Variants in ATP11C observed in about 807,000 individuals in gnomAD.
The protein encoded by ATP11C is ATPase phospholipid transporting 11C (ATP11C blood group), also known as phospholipid-transporting ATPase IG.
A neutral mutation model predicts 97.4 loss-of-function variants in ATP11C; 36 were observed. The observed-to-expected ratio is 0.37, with a 90% CI of 0.28 to 0.49. The LOEUF is 0.49. Among genes scored for constraint, ATP11C ranks in the 20% least tolerant of loss-of-function variants. The pLI, the probability that ATP11C is intolerant of heterozygous loss-of-function variation, is 0.98. For missense variants in ATP11C, 730 were observed against 824.6 expected, an observed-to-expected ratio of 0.89 and a Z score of 1.40; for synonymous variants, 275 against 290.9, an observed-to-expected ratio of 0.95 and a Z score of 0.56.
rs184554800 is a variant in ATP11C at position 139,756,357 on chromosome X, A to G, written c.2700+1451T>C. Among the ~76,000 whole-genome samples, 13 of 112,417 alleles carry G rather than the reference A, an allele frequency of 1.2e-4. No individual in the cohort carries two copies. The East Asian group carries it at 3.4e-3, about 29-fold the overall frequency. Reference sequence around the variant, plus strand: ...CTGGCAAGGTTGCAGAGAAAAGGGAACACTTGCAGAATGCTGGTGAGAATG... The same window carrying G: ...CTGGCAAGGTTGCAGAGAAAAGGGAGCACTTGCAGAATGCTGGTGAGAATG... On this transcript the variant is annotated intron_variant, in intron 23 of 29. Coordinates refer to ENST00000682941, the MANE Select transcript of ATP11C (RefSeq NM_001353812.2).
chrX:139,848,298 T>C (rs2083939034), intron 1 of ATP11C, among the ~76,000 whole-genome samples: 1 of 111,070 alleles, frequency 9.0e-6, no homozygotes, highest in Non-Finnish European at 1.9e-5. Flanking sequence ...TCCAGAAACC[T>C]AGATTGCTGA....
chrX:139,904,704 G>C (rs867028438), intron 1 of ATP11C, among the ~76,000 whole-genome samples: 4 of 111,077 alleles, frequency 3.6e-5, no homozygotes, highest in Non-Finnish European at 7.5e-5. Context: ...GTCAGGGAAG[G>C]CTTCTTTAAG....
intron 5 of ATP11C, among the ~76,000 whole-genome samples, chrX:139,805,792 G>C (rs1250948648): frequency 8.9e-6 from 1 of 112,078 alleles, no homozygotes; most frequent in Non-Finnish European, 1.9e-5. Flanking sequence ...TGATTCGGCA[G>C]ATAAAGATGA....
In ATP11C at chrX:139,826,613, C is replaced by A. The variant is rs2083535087; in HGVS notation, c.147+91G>T. ...ATACATGCAAATACATGTACACATACATAAATGCATCAGTTTCCTCAGAAG... is the reference window on the plus strand; with the variant it reads ...ATACATGCAAATACATGTACACATAAATAAATGCATCAGTTTCCTCAGAAG... On this transcript the variant is annotated intron_variant, in intron 2 of 29. Coordinates refer to ENST00000682941, the MANE Select transcript of ATP11C (RefSeq NM_001353812.2). 5.2e-6 allele frequency: 4 copies of A among 772,497 alleles called. No individual in the cohort carries two copies. In the South Asian group the frequency reaches 1.1e-4, roughly 21 times the overall value. 63.7% of individuals were successfully genotyped at this position (772,497 alleles called of 1,213,427 possible).
At chrX:139,788,640 T>C (rs1268534187) in intron 13 of ATP11C, among the ~76,000 whole-genome samples, 1 of 111,840 alleles carries the variant, frequency 8.9e-6, no homozygotes, top group Non-Finnish European at 1.9e-5. Context: ...TCATTCAGTA[T>C]CTAATTCACA....
At chrX:139,782,458 T>C (rs780861266) in intron 18 of ATP11C, 89 bp downstream of exon 18, 1 of 616,023 alleles carries the variant, frequency 1.6e-6, no homozygotes, top group Admixed American at 3.8e-5. Context: ...ACTAAAGATT[T>C]CAAACTTCGA....
chrX:139,876,529 C>T (rs769786014), intron 1 of ATP11C, among the ~76,000 whole-genome samples: 1 of 112,190 alleles, frequency 8.9e-6, no homozygotes, highest in African/African-American at 3.2e-5. Flanking sequence ...ACGCCTGAGC[C>T]TAAGGGTTTC....
At chrX:139,761,883 AG>A in intron 22 of ATP11C, 77 bp downstream of exon 22, 1 of 704,841 alleles carries the variant, frequency 1.4e-6, no homozygotes, top group Non-Finnish European at 1.9e-6. Flanking sequence ...AAAAAAAAAA[AG>A]GAAGAACAAA....
intron 1 of ATP11C, among the ~76,000 whole-genome samples, chrX:139,854,556 T>A (rs2084059233): frequency 9.0e-6 from 1 of 110,945 alleles, no homozygotes; most frequent in Non-Finnish European, 1.9e-5. Context: ...TTGCAATAAG[T>A]CAGAAAGTTG....
intron 1 of ATP11C, among the ~76,000 whole-genome samples, chrX:139,931,265 G>C (rs909654019): frequency 1.8e-5 from 2 of 112,181 alleles, no homozygotes; most frequent in African/African-American, 6.5e-5. Flanking sequence ...GATTCTGAAG[G>C]GGGTAAACGT....
At chrX:139,846,570 T>C (rs1051595266) in intron 1 of ATP11C, among the ~76,000 whole-genome samples, 2 of 111,694 alleles carry the variant, frequency 1.8e-5, no homozygotes, top group Non-Finnish European at 3.8e-5. Context: ...CCAGTTGCTA[T>C]AGGGAAAGCA....
Position 139,727,349 on chromosome X carries a change from G to A in ATP11C, c.*1617C>T, listed in dbSNP as rs150354464. ...GTTTTCAGCAGCTTACCTCAAATACGGGCTACCAGAACACAGCACACTTAG... is the reference window on the plus strand; with the variant it reads ...GTTTTCAGCAGCTTACCTCAAATACAGGCTACCAGAACACAGCACACTTAG... On this transcript the variant is annotated 3_prime_UTR_variant, in exon 30 of 30. Coordinates refer to ENST00000682941, the MANE Select transcript of ATP11C (RefSeq NM_001353812.2). The A allele has an allele frequency of 1.7e-3, 188 of 111,534 alleles. No individual in the cohort carries two copies. The highest frequency in any genetic ancestry group is 6.0e-3 in the African/African-American group (184 of 30,697). The allele number at this position is 111,534 out of a possible 1,213,427, so 9.2% of individuals were successfully genotyped here.
chrX:139,927,158 AATG>A (rs1179848596), intron 1 of ATP11C, among the ~76,000 whole-genome samples: 1 of 112,088 alleles, frequency 8.9e-6, no homozygotes, highest in Non-Finnish European at 1.9e-5. Flanking sequence ...TTGTGTATGT[AATG>A]ATAATTACAG....
intron 23 of ATP11C, among the ~76,000 whole-genome samples, chrX:139,754,802 TA>T (rs2081897493): frequency 8.9e-6 from 1 of 111,817 alleles, no homozygotes; most frequent in South Asian, 3.7e-4. Context: ...TCCATCATGT[TA>T]AAAACTCTCA....
At chrX:139,789,276 A>G in intron 13 of ATP11C, 51 bp downstream of exon 13, 1 of 986,075 alleles carries the variant, frequency 1.0e-6, no homozygotes. Flanking sequence ...ATGGAATGTT[A>G]ACATGCATAC....
intron 2 of ATP11C, among the ~76,000 whole-genome samples, chrX:139,822,524 C>T (rs2083434928): frequency 9.0e-6 from 1 of 111,645 alleles, no homozygotes; most frequent in Non-Finnish European, 1.9e-5. Context: ...AGCGATTCTC[C>T]TGCCTCAGCG....
At chrX:139,762,237 A>G in intron 21 of ATP11C, 131 bp from the exon 22 acceptor site, 1 of 510,799 alleles carries the variant, frequency 2.0e-6, no homozygotes. Flanking sequence ...TTAAAAACCA[A>G]AAGAGCTTTC....
intron 1 of ATP11C, among the ~76,000 whole-genome samples, chrX:139,901,366 T>C (rs568640523): frequency 7.1e-5 from 8 of 112,003 alleles, no homozygotes; most frequent in Middle Eastern, 4.6e-3. Flanking sequence ...TATGGGGGTA[T>C]TGTAGCACTA....
intron 5 of ATP11C, among the ~76,000 whole-genome samples, chrX:139,811,040 T>G (rs1247868167): frequency 9.0e-6 from 1 of 111,547 alleles, no homozygotes; most frequent in African/African-American, 3.3e-5. Flanking sequence ...GCACAATATT[T>G]CAATATATTT....
Sources: allele counts gnomAD v4.1 joint callset (sites outside exome capture counted in the v4.1 genomes callset), GRCh38; gene constraint gnomAD v4.1.1; transcripts MANE v1.5; gene names NCBI Gene and HGNC (gene_info 2026-07-23, HGNC 2026-07-21).